The following APLP1 variants were observed in gnomAD, a reference collection of about 807,000 sequenced individuals.
APLP1 encodes the protein amyloid beta (A4) precursor-like protein 1.
APLP1 carries 46 observed loss-of-function variants against 84.5 expected under a neutral mutation model. That is an observed-to-expected ratio of 0.54 (90% CI 0.43 to 0.70). APLP1 has a LOEUF of 0.70. APLP1 is among the 30% of genes least tolerant of loss of function. The pLI is 0.00. For missense variants in APLP1, 826 were observed against 900.2 expected (o/e 0.92, Z 1.05); for synonymous variants, 376 against 364.0 (o/e 1.03, Z -0.38).
In APLP1 at chr19:35,870,956, C is replaced by A. The variant is rs1470118618; in HGVS notation, c.352C>A (p.Arg118Ser). The A allele has an allele frequency of 1.3e-6, 2 of 1,591,082 alleles. No individual in the cohort carries two copies. The highest frequency in any genetic ancestry group is 2.7e-5 in the African/African-American group (2 of 74,670). The change falls in exon 3 of 17, where the codon CGC (arginine) becomes AGC (serine). Residue 118 changes from arginine (R) to serine (S), a missense_variant. By Grantham distance (110) the Arg-to-Ser change is moderately radical (BLOSUM62 -1). Transcript: ENST00000221891. ...EQATQAIPME[R>S]WCGGSRSGSC... ...GGCTACGCAGGCCATCCCCATGGAGCGCTGGTGCGGGGGTTCCCGGAGCGG... is the reference window on the plus strand; with the variant it reads ...GGCTACGCAGGCCATCCCCATGGAGAGCTGGTGCGGGGGTTCCCGGAGCGG...
intron 7 of APLP1, 51 bp from the exon 8 acceptor site, chr19:35,873,588 C>T (rs1974210707): frequency 6.3e-7 from 1 of 1,587,784 alleles, no homozygotes; most frequent in Non-Finnish European, 8.6e-7. Flanking sequence ...GGGGACTTGC[C>T]AGGTGGATCA....
intron 2 of APLP1, 54 bp downstream of exon 2, chr19:35,869,864 A>G: frequency 1.9e-6 from 3 of 1,542,740 alleles, no homozygotes; most frequent in Non-Finnish European, 2.6e-6. Context: ...CTAGACTTGA[A>G]AAAGGCGTGG....
chr19:35,874,079 A>G lies in APLP1; in HGVS notation c.1056+366A>G, dbSNP rs1400475701. ...CCCTGATTCTGGCTCTGCTGGGCCAATCTCACCTTTATTAACCTGACCTAC... is the reference window on the plus strand; with the variant it reads ...CCCTGATTCTGGCTCTGCTGGGCCAGTCTCACCTTTATTAACCTGACCTAC... On this transcript the variant is annotated intron_variant, in intron 8 of 16. Coordinates refer to ENST00000221891, the MANE Select transcript of APLP1 (RefSeq NM_001024807.3). The surrounding 1 kb of genome is among the most constrained non-coding windows in gnomAD (Gnocchi z 6.4). 3.9e-5 allele frequency among the ~76,000 whole-genome samples: 6 copies of G among 152,148 alleles called. No homozygotes were observed. Among genetic ancestry groups the G allele is most frequent in the East Asian group, 1.9e-4 (1 of 5,164 alleles).
intron 12 of APLP1, 91 bp downstream of exon 12, chr19:35,877,916 C>CA (rs1239842696): frequency 5.4e-5 from 71 of 1,326,068 alleles, no homozygotes; most frequent in Non-Finnish European, 6.9e-5. Flanking sequence ...GTGTCTTCAC[C>CA]ACCACAGTGA....
chr19:35,875,706 C>T (rs1974267433), intron 10 of APLP1, among the ~76,000 whole-genome samples: 1 of 152,202 alleles, frequency 6.6e-6, no homozygotes, highest in African/African-American at 2.4e-5. Flanking sequence ...GGTGATCTGC[C>T]TGCCTTGGCC....
At chr19:35,871,384 C>A (rs756492168) in intron 4 of APLP1, 35 bp downstream of exon 4, 43 of 1,560,190 alleles carry the variant, frequency 2.8e-5, no homozygotes, top group Non-Finnish European at 3.6e-5. Flanking sequence ...CCAGCCCCCA[C>A]AACCCAGGAA....
In APLP1 at chr19:35,874,512, G is replaced by A. The variant is rs978227469; in HGVS notation, c.1065G>A (p.Gln355=). 1.2e-6 allele frequency: 2 copies of A among 1,614,134 alleles called. No individual in the cohort carries two copies. The highest frequency in any genetic ancestry group is 3.3e-5 in the Admixed American group (2 of 60,022). Residue 355 remains glutamine, a synonymous_variant, in exon 9 of 17, where the codon CAG becomes CAA. Coordinates refer to ENST00000221891, the MANE Select transcript of APLP1 (RefSeq NM_001024807.3). This position sits in a 1 kb window ranked among gnomAD's most constrained non-coding sequence, Gnocchi z 6.4. The part of the protein sequence containing the change: ...ADRQALNEHF[Q]SILQTLEEQV... ...GCCCACCCGCTCCCCAGCACTTCCA[G>A]TCCATTCTGCAGACTCTGGAGGAGC...
intron 1 of APLP1, 107 bp from the exon 2 acceptor site, chr19:35,869,559 TG>T: frequency 7.0e-7 from 1 of 1,429,876 alleles, no homozygotes; most frequent in East Asian, 2.5e-5. Context: ...GTGCGGTGCT[TG>T]GGGGAGGGGG....
chr19:35,877,805 A>G lies in APLP1; in HGVS notation c.1532A>G (p.Gln511Arg), dbSNP rs769317837. 2.5e-6 allele frequency: 4 copies of G among 1,610,692 alleles called. No individual in the cohort carries two copies. The South Asian group carries it at 4.4e-5, about 18-fold the overall frequency. Residue 511 changes from glutamine (Q) to arginine (R), a missense_variant, in exon 12 of 17, where the codon CAG becomes CGG. Around this residue, in one of 3 missense-constraint regions of APLP1, gnomAD observed 433 missense variants for 496.5 expected, o/e 0.87. Transcript: ENST00000221891. ...AGCAGCGAGGACAAGGGTGGGCTGCAGCCTCCAGATTCCAAGGATGGTGAG... is the reference window on the plus strand; with the variant it reads ...AGCAGCGAGGACAAGGGTGGGCTGCGGCCTCCAGATTCCAAGGATGGTGAG... ...GGSSEDKGGL[Q>R]PPDSKDADTP... is the part of the protein sequence containing the mutation.
chr19:35,873,511 T>C, intron 7 of APLP1, 128 bp from the exon 8 acceptor site: 2 of 858,152 alleles, frequency 2.3e-6, no homozygotes, highest in Non-Finnish European at 3.8e-6. Flanking sequence ...CCTCCCAAAG[T>C]GCTGGGATTA....
At chr19:35,875,140 A>C (rs1974250857) in intron 10 of APLP1, among the ~76,000 whole-genome samples, 5 of 139,632 alleles carry the variant, frequency 3.6e-5, no homozygotes, top group African/African-American at 8.1e-5. Flanking sequence ...TTGGATTTTC[A>C]CTGCCTTTCC....
Position 35,876,627 on chromosome 19 carries a change from A to G in APLP1, c.1444+11A>G, listed in dbSNP as rs1161171319. 3.1e-6 allele frequency: 5 copies of G among 1,601,584 alleles called. No homozygotes were observed. The highest frequency in any genetic ancestry group is 1.1e-5 in the South Asian group (1 of 89,658). On this transcript the variant is annotated intron_variant, in intron 11 of 16. Transcript: ENST00000221891. Reference sequence around the variant, plus strand: ...TGCGGCCCCAAATCCGTGAGTGTCTATTACCCTGGCTCCCATTACAGATCT... The same window carrying G: ...TGCGGCCCCAAATCCGTGAGTGTCTGTTACCCTGGCTCCCATTACAGATCT...
At chr19:35,869,432 C>T in intron 1 of APLP1, 3 of 668,378 alleles carry the variant, frequency 4.5e-6, no homozygotes, top group Non-Finnish European at 2.6e-6. Flanking sequence ...TCTGTCTCCG[C>T]GGCAACAAGG....
chr19:35,869,592 C>T lies in APLP1; in HGVS notation c.148-75C>T, dbSNP rs765990852. ...GGGGCTGGTGCTGGGGGTCTCGGTCCTAGGGAGCAAAGAACCAGGGGACCC... is the reference window on the plus strand; with the variant it reads ...GGGGCTGGTGCTGGGGGTCTCGGTCTTAGGGAGCAAAGAACCAGGGGACCC... On this transcript the variant is annotated intron_variant, in intron 1 of 16. Transcript: ENST00000221891. 2.0e-5 allele frequency: 32 copies of T among 1,579,872 alleles called. No homozygotes were observed. In the South Asian group the frequency reaches 2.8e-4, roughly 14 times the overall value.
At chr19:35,878,427 T>C in intron 13 of APLP1, 157 bp from the exon 14 acceptor site, 2 of 727,198 alleles carry the variant, frequency 2.8e-6, no homozygotes, top group South Asian at 1.7e-5. Context: ...ATGTCTGTAG[T>C]CCCAGCTGCT....
chr19:35,879,288 G>T, intron 16 of APLP1, 55 bp from the exon 17 acceptor site: 1 of 1,609,702 alleles, frequency 6.2e-7, no homozygotes. Flanking sequence ...TGAGAGACTT[G>T]CGGGCAGTCC....
Position 35,878,589 on chromosome 19 carries a change from A to G in APLP1, c.1585A>G (p.Thr529Ala), listed in dbSNP as rs755529208. The G allele has an allele frequency of 1.3e-5, 21 of 1,614,008 alleles. No individual in the cohort carries two copies. Among genetic ancestry groups the G allele is most frequent in the Non-Finnish European group, 1.6e-5 (19 of 1,179,966 alleles). Residue 529 changes from threonine to alanine, a missense_variant, in exon 14 of 17, where the codon ACA (threonine) becomes GCA (alanine). By Grantham distance (58) the Thr-to-Ala change is moderately conservative (BLOSUM62 0). Transcript: ENST00000221891. ...DTPMTLPKGS[T>A]EQDAASPEKE... Reference sequence around the variant, plus strand: ...GAGATCAGACTTGGGGGTAGGGTCCACAGAACAAGATGCTGCATCCCCTGA... The same window carrying G: ...GAGATCAGACTTGGGGGTAGGGTCCGCAGAACAAGATGCTGCATCCCCTGA...
In APLP1 at chr19:35,879,068, C is replaced by T; in HGVS notation, c.1714-6C>T. ...AAGCCCTCTGCCCCATCTCCTCTCC[C>T]TGCAGGCACCAGCTGGGACAGGGGT... On this transcript the variant is annotated splice_region_variant and splice_polypyrimidine_tract_variant and intron_variant, in intron 15 of 16. Coordinates refer to ENST00000221891, the MANE Select transcript of APLP1 (RefSeq NM_001024807.3). The T allele has an allele frequency of 1.2e-6, 2 of 1,612,538 alleles. No homozygotes were observed. The highest frequency in any genetic ancestry group is 1.7e-6 in the Non-Finnish European group (2 of 1,179,972).
chr19:35,871,695 T>C lies in APLP1; in HGVS notation c.621T>C (p.Tyr207=), dbSNP rs1348559439. Residue 207 remains tyrosine (Y), a synonymous_variant, in exon 5 of 17, where the codon TAT becomes TAC. Coordinates refer to ENST00000221891, the MANE Select transcript of APLP1 (RefSeq NM_001024807.3). ...CGGATCGGTTCCGTGGTGTGGAGTA[T>C]GTGTGCTGTCCCCCTCCAGGGACCC... The part of the protein sequence containing the change: ...CGSDRFRGVE[Y]VCCPPPGTPD... 2.5e-6 allele frequency: 4 copies of C among 1,613,886 alleles called. No individual in the cohort carries two copies. The highest frequency in any genetic ancestry group is 1.3e-5 in the African/African-American group (1 of 74,864).
Sources: gnomAD v4.1 joint callset for allele counts (sites outside exome capture counted in the v4.1 genomes callset) on GRCh38, gnomAD v4.1.1 for gene constraint, gnomAD v4.1.1 regional missense constraint, Gnocchi (gnomAD v3.1) non-coding constraint, MANE v1.5 for transcripts, NCBI Gene and HGNC (gene_info 2026-07-23, HGNC 2026-07-21) for gene names.